Variants in DCC observed in about 807,000 individuals in gnomAD.
DCC encodes DCC netrin 1 receptor, also known as netrin receptor DCC.
Under a neutral mutation model 172.5 loss-of-function variants are expected in DCC, and 58 were observed. The ratio of observed to expected loss-of-function variants is 0.34; its 90% CI spans 0.27 to 0.42. The LOEUF (loss-of-function observed/expected upper bound fraction) is 0.42. DCC is among the 10% of genes least tolerant of loss of function. The probability of loss-of-function intolerance (pLI) is 1.00; values close to 1 mark genes in which losing one functional copy is unlikely to be tolerated. For synonymous variants in DCC, 709 were observed against 644.5 expected, an observed-to-expected ratio of 1.10 and a Z score of -1.52; for missense variants, 1,740 against 1,791.0, an observed-to-expected ratio of 0.97 and a Z score of 0.51.
intron 7 of DCC, among the ~76,000 whole-genome samples, chr18:53,129,336 T>C (rs756039240): frequency 4.1e-4 from 63 of 152,128 alleles, no homozygotes; most frequent in Non-Finnish European, 1.3e-4. Flanking sequence ...GCATAATTAA[T>C]ATACAATAAA....
At chr18:52,725,754 A>G (rs1256225776) in intron 1 of DCC, among the ~76,000 whole-genome samples, 4 of 152,346 alleles carry the variant, frequency 2.6e-5, no homozygotes, top group Non-Finnish European at 1.5e-5. Context: ...ACAGAGGAAA[A>G]AAAGACTGGA....
intron 12 of DCC, among the ~76,000 whole-genome samples, chr18:53,294,532 G>T (rs2057043462): frequency 6.6e-6 from 1 of 152,148 alleles, no homozygotes; most frequent in South Asian, 2.1e-4. Context: ...AGAAAGGGTG[G>T]GTGTATTTTG....
At chr18:53,318,410 T>C (rs1291021566) in intron 13 of DCC, among the ~76,000 whole-genome samples, 1 of 152,162 alleles carries the variant, frequency 6.6e-6, no homozygotes, top group African/African-American at 2.4e-5. Flanking sequence ...AATTATGTGG[T>C]CAATTTTAGA....
intron 1 of DCC, among the ~76,000 whole-genome samples, chr18:52,568,521 C>T (rs987097063): frequency 3.9e-5 from 6 of 152,162 alleles, no homozygotes; most frequent in Non-Finnish European, 8.8e-5. Flanking sequence ...TAGAGACCAG[C>T]ATGCAGTGTG....
At chr18:52,729,311 G>C (rs543294280) in intron 1 of DCC, among the ~76,000 whole-genome samples, 1 of 152,226 alleles carries the variant, frequency 6.6e-6, no homozygotes, top group South Asian at 2.1e-4. Flanking sequence ...CCAGGCTGGA[G>C]TGCAGTGGTG....
chr18:53,023,391 T>A (rs2041909590), intron 5 of DCC, among the ~76,000 whole-genome samples: 8 of 59,226 alleles, frequency 1.4e-4, no homozygotes, highest in South Asian at 6.2e-4. Flanking sequence ...AACACATATA[T>A]AACTCAGACC....
chr18:53,126,484 G>A (rs578088926), intron 7 of DCC, among the ~76,000 whole-genome samples: 7 of 152,158 alleles, frequency 4.6e-5, no homozygotes, highest in Middle Eastern at 3.4e-3. Context: ...TTGAGCTGTC[G>A]CTAGGAGCAG....
At chr18:53,127,282 C>T (rs1211328154) in intron 7 of DCC, among the ~76,000 whole-genome samples, 1 of 151,770 alleles carries the variant, frequency 6.6e-6, no homozygotes, top group African/African-American at 2.4e-5. Context: ...GCTGGGGTTA[C>T]AGGCAGAACA....
At chr18:52,887,128 C>G (rs1434445687) in intron 2 of DCC, among the ~76,000 whole-genome samples, 1 of 152,170 alleles carries the variant, frequency 6.6e-6, no homozygotes, top group African/African-American at 2.4e-5. Flanking sequence ...TCAAGTCAGA[C>G]AGAAGCTTGA....
At chr18:52,792,203 T>G (rs1393035237) in intron 2 of DCC, among the ~76,000 whole-genome samples, 1 of 151,560 alleles carries the variant, frequency 6.6e-6, no homozygotes, top group Non-Finnish European at 1.5e-5. Flanking sequence ...GGTGCGAGGG[T>G]GGGGGCCTCT....
At position 53,224,053 on chromosome 18, in the gene DCC, G is replaced by T. The variant is rs950399551; in HGVS notation, c.1911+8456G>T. On this transcript the variant is annotated intron_variant, in intron 12 of 28. Coordinates refer to ENST00000442544, the MANE Select transcript of DCC (RefSeq NM_005215.4). The stretch of plus-strand genomic sequence containing the variant: ...AAGGCTATAACAAAAGCAATCAAAT[G>T]CCTTCTTTTCTAGAGCTTACTTATA... 4.6e-5 allele frequency among the ~76,000 whole-genome samples: 7 copies of T among 152,142 alleles called. No homozygotes were observed. The South Asian group carries it at 1.4e-3, about 32-fold the overall frequency.
At chr18:52,894,256 C>T (rs940959864) in intron 2 of DCC, among the ~76,000 whole-genome samples, 6 of 151,956 alleles carry the variant, frequency 3.9e-5, no homozygotes, top group Non-Finnish European at 7.4e-5. Context: ...TTTGCCTTTC[C>T]TACTAGACTA....
At chr18:53,009,383 C>T (rs188722956) in intron 5 of DCC, among the ~76,000 whole-genome samples, 20 of 151,962 alleles carry the variant, frequency 1.3e-4, no homozygotes, top group Admixed American at 2.6e-4. Flanking sequence ...CCTGGCATTA[C>T]CATTGGAAGC....
intron 21 of DCC, among the ~76,000 whole-genome samples, chr18:53,419,278 T>C (rs1599128229): frequency 6.6e-6 from 1 of 152,186 alleles, no homozygotes; most frequent in Non-Finnish European, 1.5e-5. Context: ...GAAGCATTTA[T>C]CTGTTGACTT....
chr18:52,594,766 C>A (rs966560307), intron 1 of DCC, among the ~76,000 whole-genome samples: 1 of 152,050 alleles, frequency 6.6e-6, no homozygotes, highest in African/African-American at 2.4e-5. Flanking sequence ...AGCAAGAGAG[C>A]GTAGCAAGGG....
intron 1 of DCC, among the ~76,000 whole-genome samples, chr18:52,618,711 A>G (rs2034427930): frequency 6.6e-6 from 1 of 152,292 alleles, no homozygotes; most frequent in Admixed American, 6.5e-5. Context: ...CTTCAGCTGT[A>G]TTCTAATATA....
intron 24 of DCC, among the ~76,000 whole-genome samples, chr18:53,462,582 A>C (rs2045572465): frequency 6.6e-6 from 1 of 152,094 alleles, no homozygotes; most frequent in African/African-American, 2.4e-5. Context: ...TGTAATAATA[A>C]TAGAAATAAA....
At chr18:53,089,443 C>T (rs1325087981) in intron 7 of DCC, among the ~76,000 whole-genome samples, 2 of 152,002 alleles carry the variant, frequency 1.3e-5, no homozygotes, top group Non-Finnish European at 2.9e-5. Flanking sequence ...CTACTTCTGC[C>T]TCATTGTCTA....
chr18:52,841,643 A>C lies in DCC; in HGVS notation c.413-64401A>C, dbSNP rs143110436. ...ATTTGAAAAGGCTGTCTGAAAAAAA[A>C]TAGGTTCACTGGGTATAGTGGGTGC... On this transcript the variant is annotated intron_variant, in intron 2 of 28. Transcript: ENST00000442544. Among the ~76,000 whole-genome samples the C allele has an allele frequency of 1.1e-3, 173 of 152,262 alleles. 1 individual carries two copies. Among genetic ancestry groups the C allele is most frequent in the African/African-American group, 3.9e-3 (164 of 41,562 alleles).
Sources: gnomAD v4.1 joint callset for allele counts (sites outside exome capture counted in the v4.1 genomes callset) on GRCh38, gnomAD v4.1.1 for gene constraint, MANE v1.5 for transcripts, NCBI Gene and HGNC (gene_info 2026-07-23, HGNC 2026-07-21) for gene names.